Variants in ADCY9 observed in about 807,000 individuals in gnomAD.
ADCY9 encodes the protein adenylate cyclase 9.
In ADCY9, 50 loss-of-function variants were observed where a neutral mutation model predicts 101.5. The ratio of observed to expected loss-of-function variants is 0.49; its 90% CI spans 0.39 to 0.62. The LOEUF is 0.62. ADCY9 is among the 20% of genes least tolerant of loss of function. ADCY9 has a pLI of 0.00. For synonymous variants in ADCY9, 905 were observed against 769.3 expected (o/e 1.18, Z -2.92); for missense variants, 1,662 against 1,800.4 (o/e 0.92, Z 1.39).
rs1231789708 is a variant in ADCY9, at chr16:4,012,958, G to C, written c.1694-5400C>G. Among the ~76,000 whole-genome samples the C allele has an allele frequency of 2.0e-5, 3 of 152,054 alleles. No homozygotes were observed. The South Asian group carries it at 6.3e-4, about 32-fold the overall frequency. Reference sequence around the variant, plus strand: ...CAAGGACCTGACTGCCAACTCAACAGAAAGAGAACAACAGCGAGGCACGGG... The same window carrying C: ...CAAGGACCTGACTGCCAACTCAACACAAAGAGAACAACAGCGAGGCACGGG... On this transcript the variant is annotated intron_variant, in intron 2 of 10. Coordinates refer to ENST00000294016, the MANE Select transcript of ADCY9 (RefSeq NM_001116.4).
intron 2 of ADCY9, among the ~76,000 whole-genome samples, chr16:4,083,378 G>A (rs970594380): frequency 2.0e-5 from 3 of 152,038 alleles, no homozygotes; most frequent in Non-Finnish European, 4.4e-5. Flanking sequence ...ATGGAGACGT[G>A]GGGAAATCAG....
Position 4,116,270 on chromosome 16 carries a change from C to T in ADCY9, c.-624G>A, listed in dbSNP as rs868546664. On this transcript the variant is annotated 5_prime_UTR_variant, in exon 1 of 11. Coordinates refer to ENST00000294016, the MANE Select transcript of ADCY9 (RefSeq NM_001116.4). The stretch of plus-strand genomic sequence containing the variant: ...GCAGACGCTGCCGCAGAGCCGGGCT[C>T]CCGCGACGCCGGCCGGGACGCCCGC... 6 of 146,108 alleles carry T rather than the reference C, an allele frequency of 4.1e-5. No individual in the cohort carries two copies. The highest frequency in any genetic ancestry group is 1.5e-4 in the African/African-American group (6 of 40,714). 9.1% of individuals were successfully genotyped at this position (146,108 alleles called of 1,614,324 possible).
In ADCY9 at chr16:3,989,485, TCTC is replaced by T. The variant is rs1443426782; in HGVS notation, c.2208-392_2208-390del. Among the ~76,000 whole-genome samples the T allele has an allele frequency of 3.9e-5, 6 of 152,008 alleles. No individual in the cohort carries two copies. In the East Asian group the frequency reaches 1.2e-3, roughly 29 times the overall value. On this transcript the variant is annotated intron_variant, in intron 5 of 10. Transcript: ENST00000294016. ...TCTCCGCCTCCCAGGTTCAAGCAAT[TCTC>T]CTGCCTCAGCCTCCTGAGTAGCTGG...
chr16:4,054,871 T>C (rs768393366), intron 2 of ADCY9, among the ~76,000 whole-genome samples: 91 of 152,110 alleles, frequency 6.0e-4, no homozygotes, highest in Non-Finnish European at 9.4e-4. Context: ...CCAGCCGAAA[T>C]GGATATTTTG....
intron 2 of ADCY9, among the ~76,000 whole-genome samples, chr16:4,009,794 A>G (rs868750645): frequency 2.0e-5 from 3 of 152,244 alleles, no homozygotes; most frequent in Non-Finnish European, 4.4e-5. Flanking sequence ...GAGTTAAAAA[A>G]TGCAACCTAT....
At chr16:4,051,593 A>G (rs1597193499) in intron 2 of ADCY9, among the ~76,000 whole-genome samples, 1 of 152,120 alleles carries the variant, frequency 6.6e-6, no homozygotes, top group Admixed American at 6.5e-5. Context: ...AAAAGAACAC[A>G]GGGGCCAGCT....
At chr16:4,097,481 T>C (rs200534668) in intron 2 of ADCY9, among the ~76,000 whole-genome samples, 5,519 of 56,004 alleles carry the variant, frequency 0.099, 499 homozygotes, top group African/African-American at 0.26. Context: ...TATATATATA[T>C]ATATATACAC....
At chr16:4,110,860 C>A (rs1427286099) in intron 2 of ADCY9, among the ~76,000 whole-genome samples, 1 of 152,180 alleles carries the variant, frequency 6.6e-6, no homozygotes, top group Non-Finnish European at 1.5e-5. Flanking sequence ...GGTGGGCGTG[C>A]CTTGCAGAAC....
chr16:4,061,656 T>C (rs1166153284), intron 2 of ADCY9, among the ~76,000 whole-genome samples: 2 of 152,070 alleles, frequency 1.3e-5, no homozygotes, highest in Admixed American at 1.3e-4. Context: ...AAGATATTCC[T>C]AGATAAACAA....
downstream of ADCY9, among the ~76,000 whole-genome samples, chr16:3,958,819 C>T (rs1488064559): frequency 6.6e-6 from 1 of 151,368 alleles, no homozygotes; most frequent in African/African-American, 2.4e-5. Context: ...CACAGGCACC[C>T]ACCACTACGC....
chr16:3,993,376 T>A (rs751733935), intron 4 of ADCY9, 30 bp downstream of exon 4: 2 of 1,608,592 alleles, frequency 1.2e-6, no homozygotes. Context: ...GGAGAGGAAC[T>A]GACAGGAACA....
chr16:4,080,427 T>C (rs188442241), intron 2 of ADCY9, among the ~76,000 whole-genome samples: 20 of 152,130 alleles, frequency 1.3e-4, no homozygotes, highest in Non-Finnish European at 2.6e-4. Flanking sequence ...TATATATATA[T>C]ACATTTTTTG....
chr16:4,041,755 GTT>G (rs35300888), intron 2 of ADCY9, among the ~76,000 whole-genome samples: 6 of 135,948 alleles, frequency 4.4e-5, no homozygotes, highest in Admixed American at 1.5e-4. Flanking sequence ...GATTTTTTTT[GTT>G]TTTTTTTTTT....
At chr16:3,959,745 G>A (rs924492403), downstream of ADCY9, among the ~76,000 whole-genome samples, 11 of 152,248 alleles carry the variant, frequency 7.2e-5, no homozygotes, top group East Asian at 1.9e-3. Context: ...ATGTATCAAC[G>A]CTGGGCACAG....
chr16:4,046,492 C>T (rs1400731224), intron 2 of ADCY9, among the ~76,000 whole-genome samples: 1 of 152,134 alleles, frequency 6.6e-6, no homozygotes, highest in Non-Finnish European at 1.5e-5. Flanking sequence ...AACAACATTC[C>T]CACTCATCCA....
rs1371889618 is a variant in ADCY9 at position 4,081,835 on chromosome 16, G to A, written c.1693+31915C>T. Among the ~76,000 whole-genome samples, 7 of 150,416 alleles carry A rather than the reference G, an allele frequency of 4.7e-5. No homozygotes were observed. The East Asian group carries it at 9.8e-4, about 21-fold the overall frequency. ...GAGGGGGGCAGCAGGGGAGGAGGGC[G>A]CTGTGTCTGCAGTGGCGTGTGGGTA... On this transcript the variant is annotated intron_variant, in intron 2 of 10. Transcript: ENST00000294016.
Position 4,116,395 on chromosome 16 carries a change from G to T in ADCY9, c.-749C>A, listed in dbSNP as rs1276157225. ...CCGCGGCCGCTGCCTCATGTCGGAA[G>T]AGCTGCCGCCGCCACCATCTCCGGC... is the stretch of plus-strand genomic sequence containing the variant. On this transcript the variant is annotated 5_prime_UTR_variant, in exon 1 of 11. Coordinates refer to ENST00000294016, the MANE Select transcript of ADCY9 (RefSeq NM_001116.4). 6.8e-6 allele frequency among the ~76,000 whole-genome samples: 1 copy of T among 146,052 alleles called. No individual in the cohort carries two copies. Among genetic ancestry groups the T allele is most frequent in the Non-Finnish European group, 1.5e-5 (1 of 65,740 alleles).
chr16:4,015,284 G>A (rs1298646327), intron 2 of ADCY9, among the ~76,000 whole-genome samples: 1 of 152,002 alleles, frequency 6.6e-6, no homozygotes, highest in Non-Finnish European at 1.5e-5. Flanking sequence ...ATGCCCCACT[G>A]CTAAATGCTA....
At chr16:3,983,196 G>C (rs116732712) in intron 7 of ADCY9, 36 bp downstream of exon 7, 19 of 1,525,870 alleles carry the variant, frequency 1.2e-5, no homozygotes, top group Non-Finnish European at 1.5e-5. Flanking sequence ...GGAGCTAACG[G>C]CTCAGAGCTG....
Sources: allele counts gnomAD v4.1 joint callset (sites outside exome capture counted in the v4.1 genomes callset), GRCh38; gene constraint gnomAD v4.1.1; transcripts MANE v1.5; gene names NCBI Gene and HGNC (gene_info 2026-07-23, HGNC 2026-07-21).